Variants in PAPPA observed in about 807,000 individuals in gnomAD.
PAPPA encodes pappalysin-1.
A neutral mutation model predicts 164.0 loss-of-function variants in PAPPA; 60 were observed. That is an observed-to-expected ratio of 0.37 (90% CI 0.30 to 0.45). PAPPA has a LOEUF of 0.45. Ranked by LOEUF, PAPPA falls within the 20% of genes least tolerant of loss-of-function variation. The pLI, the probability that PAPPA is intolerant of heterozygous loss-of-function variation, is 1.00. For missense variants in PAPPA, 1,782 were observed against 2,087.3 expected, an observed-to-expected ratio of 0.85 and a Z score of 2.85; for synonymous variants, 875 against 814.1, an observed-to-expected ratio of 1.07 and a Z score of -1.27.
At position 116,372,709 on chromosome 9, in the gene PAPPA, G is replaced by GA. The variant is rs200658833; in HGVS notation, c.4606-4858dup. Among the ~76,000 whole-genome samples, 1,437 of 149,854 alleles carry GA rather than the reference G, an allele frequency of 9.6e-3. 13 individuals are homozygous for GA. Among genetic ancestry groups the GA allele is most frequent in the South Asian group, 0.03 (140 of 4,732 alleles). Reference sequence around the variant, plus strand: ...GACCTTGGCTTTTATAATAGCTTCTGAAAAAAAAATGGGAGGCGGAAAGAG... The same window carrying GA: ...GACCTTGGCTTTTATAATAGCTTCTGAAAAAAAAAATGGGAGGCGGAAAGAG... On this transcript the variant is annotated intron_variant, in intron 19 of 21. Transcript: ENST00000328252.
chr9:116,283,317 AG>A (rs1351520437), intron 9 of PAPPA, among the ~76,000 whole-genome samples: 2 of 152,146 alleles, frequency 1.3e-5, no homozygotes, highest in African/African-American at 2.4e-5. Context: ...CCTCTGGTGC[AG>A]GGGTTGGTGA....
rs1265558829 is a variant in PAPPA, at chr9:116,362,595, C to G, written c.4351C>G (p.Leu1451Val). 6 of 1,613,234 alleles carry G rather than the reference C, an allele frequency of 3.7e-6. No individual in the cohort carries two copies. The Admixed American group carries it at 1.0e-4, about 27-fold the overall frequency. ...KCEDSDASQG[L>V]GSNVIHCRKD... The stretch of plus-strand genomic sequence containing the variant: ...ACTCTGTTTCTCTGTTGTTCAGGGA[C>G]TTGGGAGCAATGTCATTCATTGCCG... The change falls in exon 18 of 22, where the codon CTT (leucine) becomes GTT (valine). Residue 1451 changes from leucine (L) to valine (V), a missense_variant. Coordinates refer to ENST00000328252, the MANE Select transcript of PAPPA (RefSeq NM_002581.5).
At chr9:116,296,915 C>T (rs1002609600) in intron 9 of PAPPA, among the ~76,000 whole-genome samples, 2 of 151,794 alleles carry the variant, frequency 1.3e-5, no homozygotes, top group Non-Finnish European at 2.9e-5. Context: ...AGTGCAGTGG[C>T]GTGATCTCAG....
intron 11 of PAPPA, among the ~76,000 whole-genome samples, 186 bp downstream of exon 11, chr9:116,331,543 C>T (rs1845991540): frequency 6.6e-6 from 1 of 152,242 alleles, no homozygotes; most frequent in Non-Finnish European, 1.5e-5. Context: ...GGAATGCCCC[C>T]ACTGAGCTCT....
intron 20 of PAPPA, 106 bp downstream of exon 20, chr9:116,377,753 T>C: frequency 2.5e-6 from 2 of 808,890 alleles, no homozygotes; most frequent in Non-Finnish European, 4.1e-6. Flanking sequence ...CTACTGAGTG[T>C]TGAAAATATC....
chr9:116,289,774 C>T lies in PAPPA; in HGVS notation c.2954-12983C>T, dbSNP rs74539703. 1.8e-4 allele frequency among the ~76,000 whole-genome samples: 28 copies of T among 152,328 alleles called. No homozygotes were observed. The East Asian group carries it at 5.4e-3, about 29-fold the overall frequency. On this transcript the variant is annotated intron_variant, in intron 9 of 21. Transcript: ENST00000328252. Reference sequence around the variant, plus strand: ...ACAATGCACACAACAGCCTATGTTTCTGCTCTCAAGGAGTTGCCATTCTGT... The same window carrying T: ...ACAATGCACACAACAGCCTATGTTTTTGCTCTCAAGGAGTTGCCATTCTGT...
chr9:116,287,196 T>G (rs1302653671), intron 9 of PAPPA: 1 of 152,248 alleles, frequency 6.6e-6, no homozygotes, highest in Non-Finnish European at 1.5e-5. Context: ...GAATGCCTTA[T>G]GTACTTGAAA....
At chr9:116,195,099 G>A (rs1844088430) in intron 2 of PAPPA, among the ~76,000 whole-genome samples, 2 of 152,184 alleles carry the variant, frequency 1.3e-5, no homozygotes, top group African/African-American at 4.8e-5. Context: ...CATAATGAGA[G>A]ATATGCCAGA....
At chr9:116,265,266 G>A (rs958881215) in intron 7 of PAPPA, among the ~76,000 whole-genome samples, 4 of 152,110 alleles carry the variant, frequency 2.6e-5, no homozygotes, top group Non-Finnish European at 4.4e-5. Flanking sequence ...TTAGCCTAAG[G>A]CCCTATATTC....
rs753588067 is a variant in PAPPA, at chr9:116,344,547, G to A, written c.3616G>A (p.Val1206Met). The change falls in exon 14 of 22, where the codon GTG becomes ATG. Residue 1206 changes from valine (V) to methionine (M), a missense_variant. This residue lies in a region of PAPPA where 1,324 missense variants were observed against 1,656.9 expected (regional missense o/e 0.80). Coordinates refer to ENST00000328252, the MANE Select transcript of PAPPA (RefSeq NM_002581.5). Reference sequence around the variant, plus strand: ...CCTCGTTTCTTTCCTCCCCAGCTGCGTGCACTTCGCATGTGAGAAAACTGA... The same window carrying A: ...CCTCGTTTCTTTCCTCCCCAGCTGCATGCACTTCGCATGTGAGAAAACTGA... ...ETYSPAEQSCVHFACEKTDCP... is the reference protein window; with the variant it reads ...ETYSPAEQSCMHFACEKTDCP... The A allele has an allele frequency of 5.6e-6, 9 of 1,611,788 alleles. No homozygotes were observed. Among genetic ancestry groups the A allele is most frequent in the African/African-American group, 2.7e-5 (2 of 74,848 alleles).
chr9:116,287,002 A>G (rs1398432679), intron 9 of PAPPA: 1 of 152,180 alleles, frequency 6.6e-6, no homozygotes, highest in East Asian at 1.9e-4. Flanking sequence ...AAGTAGTGCC[A>G]AATCATAGGG....
intron 9 of PAPPA, among the ~76,000 whole-genome samples, chr9:116,290,629 G>A (rs1460521112): frequency 6.6e-6 from 1 of 152,072 alleles, no homozygotes; most frequent in South Asian, 2.1e-4. Flanking sequence ...AGGCTGCAGA[G>A]TTTGAGAAAG....
chr9:116,164,677 G>A (rs1014786767), intron 1 of PAPPA, among the ~76,000 whole-genome samples: 4 of 152,142 alleles, frequency 2.6e-5, no homozygotes, highest in Non-Finnish European at 4.4e-5. Flanking sequence ...ATCCATTCCT[G>A]TTGCTCTATG....
At chr9:116,264,335 T>C (rs1454722914) in intron 7 of PAPPA, among the ~76,000 whole-genome samples, 3 of 152,230 alleles carry the variant, frequency 2.0e-5, no homozygotes, top group Non-Finnish European at 2.9e-5. Flanking sequence ...AAGATATTGG[T>C]ATGTCCACCT....
intron 2 of PAPPA, among the ~76,000 whole-genome samples, chr9:116,196,767 C>G (rs1844109945): frequency 6.6e-6 from 1 of 152,156 alleles, no homozygotes; most frequent in African/African-American, 2.4e-5. Flanking sequence ...TTCTCTTTCT[C>G]TTTTCCATGT....
Position 116,188,212 on chromosome 9 carries a change from C to T in PAPPA, c.1474C>T (p.His492Tyr), listed in dbSNP as rs1016567043. ...GACTTGCTTTGACCCCGACTCTCCA[C>T]ACAGGTAAGACCTTACTGGGCTAAA... ...TQTCFDPDSP[H>Y]RAYLDVNELK... is the part of the protein sequence containing the mutation. Residue 492 changes from histidine (H) to tyrosine (Y), a missense_variant, in exon 2 of 22, where the codon CAC becomes TAC. By Grantham distance (83) the His-to-Tyr change is moderately conservative. Around this residue, in one of 2 missense-constraint regions of PAPPA, gnomAD observed 1,324 missense variants for 1,656.9 expected, o/e 0.80. Transcript: ENST00000328252. 6.2e-7 allele frequency: 1 copy of T among 1,607,314 alleles called. No homozygotes were observed. The highest frequency in any genetic ancestry group is 8.5e-7 in the Non-Finnish European group (1 of 1,174,586).
chr9:116,353,168 T>TC (rs1846306509), intron 16 of PAPPA, among the ~76,000 whole-genome samples: 1 of 152,138 alleles, frequency 6.6e-6, no homozygotes, highest in Admixed American at 6.5e-5. Context: ...TCTCTGCACT[T>TC]CATTTTTTTT....
intron 7 of PAPPA, among the ~76,000 whole-genome samples, chr9:116,259,439 T>C (rs565420994): frequency 6.6e-6 from 1 of 152,222 alleles, no homozygotes; most frequent in East Asian, 1.9e-4. Flanking sequence ...GTAAATATAC[T>C]TATGTATTAA....
intron 2 of PAPPA, among the ~76,000 whole-genome samples, chr9:116,204,457 C>T (rs1223397893): frequency 6.6e-6 from 1 of 152,126 alleles, no homozygotes; most frequent in East Asian, 1.9e-4. Flanking sequence ...CTCTATTGCC[C>T]AAGTGGGAGT....
Sources: allele counts gnomAD v4.1 joint callset (sites outside exome capture counted in the v4.1 genomes callset), GRCh38; gene constraint gnomAD v4.1.1; regional missense constraint gnomAD v4.1.1; transcripts MANE v1.5; gene names NCBI Gene and HGNC (gene_info 2026-07-23, HGNC 2026-07-21).